FUS: variants seen among roughly 807,000 people sequenced by gnomAD.
The protein encoded by FUS is FUS RNA binding protein, also known as RNA-binding protein FUS.
In FUS, 5 loss-of-function variants were observed where a neutral mutation model predicts 82.7. The observed-to-expected ratio is 0.06, with a 90% confidence interval of 0.03 to 0.13. The LOEUF is 0.13. Ranked by LOEUF, FUS falls within the 10% of genes least tolerant of loss-of-function variation. The probability of loss-of-function intolerance (pLI) is 1.00; values close to 1 mark genes in which losing one functional copy is unlikely to be tolerated. For missense variants in FUS, 512 were observed against 707.8 expected (o/e 0.72, Z 3.14); for synonymous variants, 281 against 247.4 (o/e 1.14, Z -1.27).
Position 31,180,206 on chromosome 16 carries a change from T to A in FUS, c.-9T>A. ...CGTTGCTTGCTTGCCTGTGCGCGCG[T>A]GCGCGGACATGGCCTCAAACGGTAG... On this transcript the variant is annotated 5_prime_UTR_variant, in exon 1 of 15. Transcript: ENST00000254108. 6.2e-7 allele frequency: 1 copy of A among 1,611,168 alleles called. No homozygotes were observed. Among genetic ancestry groups the A allele is most frequent in the Non-Finnish European group, 8.5e-7 (1 of 1,178,710 alleles).
rs2079217599 is a variant in FUS, at chr16:31,183,841, T to G, written c.191-17T>G. 1.7e-5 allele frequency: 27 copies of G among 1,614,202 alleles called. 1 individual carries two copies. The East Asian group carries it at 6.0e-4, about 36-fold the overall frequency. ...TTCCTGGTGGCTTTTGTGACTCCCT[T>G]TTTCTTATCCTGGTAGCAGGCTATG... On this transcript the variant is annotated splice_polypyrimidine_tract_variant and intron_variant, in intron 3 of 14. Coordinates refer to ENST00000254108, the MANE Select transcript of FUS (RefSeq NM_004960.4).
chr16:31,192,097 G>T (rs374258907), downstream of FUS: 16 of 532,274 alleles, frequency 3.0e-5, no homozygotes, highest in African/African-American at 2.6e-4. Flanking sequence ...TCTAGGAGGT[G>T]AGTGACTCCC....
At chr16:31,194,340 T>A (rs1340973630), downstream of FUS, 19 of 522,742 alleles carry the variant, frequency 3.6e-5, no homozygotes, top group East Asian at 7.3e-4. Flanking sequence ...CCAGGCTGGA[T>A]TGCAGTGGTG....
chr16:31,191,621 C>T (rs1323585781), downstream of FUS: 4 of 737,432 alleles, frequency 5.4e-6, no homozygotes, highest in Non-Finnish European at 9.7e-6. Context: ...TTCCTCTTCC[C>T]CCTTTTCACT....
intron 10 of FUS, 82 bp downstream of exon 10, chr16:31,189,876 C>T (rs1194310876): frequency 6.2e-7 from 1 of 1,608,182 alleles, no homozygotes; most frequent in Non-Finnish European, 8.5e-7. Flanking sequence ...TTTGAGGGTT[C>T]TTTTGAGTCT....
chr16:31,190,595 T>C, intron 12 of FUS, 147 bp from the exon 13 acceptor site: 1 of 1,155,056 alleles, frequency 8.7e-7, no homozygotes, highest in Middle Eastern at 2.6e-4. Context: ...TACTGATTTT[T>C]GTTCCTGACT....
Position 31,180,152 on chromosome 16 carries a change from G to A in FUS, c.-63G>A, listed in dbSNP as rs745435632. The stretch of plus-strand genomic sequence containing the variant: ...GGAGGCGGGGCTGCTCAGTCCTCCA[G>A]GCGTCGGTACTCAGCGGTGTTGGAA... On this transcript the variant is annotated 5_prime_UTR_variant, in exon 1 of 15. Transcript: ENST00000254108. The A allele has an allele frequency of 1.9e-6, 3 of 1,592,008 alleles. No individual in the cohort carries two copies. The highest frequency in any genetic ancestry group is 1.1e-5 in the South Asian group (1 of 88,252).
chr16:31,189,900 T>C, intron 10 of FUS, 106 bp downstream of exon 10: 2 of 1,596,454 alleles, frequency 1.3e-6, no homozygotes, highest in Non-Finnish European at 1.7e-6. Context: ...AACACTTACT[T>C]TAGCTGCGGT....
At chr16:31,184,040 G>C in intron 4 of FUS, 38 bp downstream of exon 4, 2 of 1,613,330 alleles carry the variant, frequency 1.2e-6, no homozygotes, top group Non-Finnish European at 1.7e-6. Context: ...CTTGAAAAGA[G>C]GGGTGAATTG....
chr16:31,186,758 C>A (rs1265521641), intron 6 of FUS, 44 bp from the exon 7 acceptor site: 1 of 1,596,676 alleles, frequency 6.3e-7, no homozygotes, highest in Non-Finnish European at 8.6e-7. Context: ...CCTTTTGTAG[C>A]CGTTGGAAGC....
At chr16:31,194,744 G>T (rs1033438635), downstream of FUS, 2 of 484,146 alleles carry the variant, frequency 4.1e-6, no homozygotes, top group Non-Finnish European at 8.2e-6. Context: ...AACATACAAA[G>T]CCACTCTTAG....
intron 6 of FUS, 99 bp from the exon 7 acceptor site, chr16:31,186,703 A>G (rs1280849380): frequency 8.6e-7 from 1 of 1,163,740 alleles, no homozygotes; most frequent in Non-Finnish European, 1.3e-6. Context: ...TTTTCCAAAA[A>G]CACCTACCCA....
chr16:31,190,625 G>A, intron 12 of FUS, 117 bp from the exon 13 acceptor site: 1 of 1,215,490 alleles, frequency 8.2e-7, no homozygotes. Context: ...AAGCCGTTTT[G>A]TCTTTCTGAA....
chr16:31,183,797 C>T lies in FUS; in HGVS notation c.191-61C>T, dbSNP rs935810829. ...TATAGGTATTATGTTTTCTTTAACC[C>T]ATTCCTTACATTTTCTCTTTCCTGG... On this transcript the variant is annotated intron_variant, in intron 3 of 14. Transcript: ENST00000254108. 3.0e-5 allele frequency: 48 copies of T among 1,600,790 alleles called. No individual in the cohort carries two copies. The African/African-American group carries it at 3.5e-4, about 12-fold the overall frequency.
At chr16:31,187,107 C>T in intron 7 of FUS, 2 of 535,698 alleles carry the variant, frequency 3.7e-6, no homozygotes, top group South Asian at 2.2e-5. Flanking sequence ...GGGCCGTTGC[C>T]ACACCTGGCA....
intron 13 of FUS, 30 bp from the exon 14 acceptor site, chr16:31,190,933 A>C (rs531009755): frequency 6.2e-7 from 1 of 1,611,530 alleles, no homozygotes; most frequent in Non-Finnish European, 8.5e-7. Flanking sequence ...GGGAATGGGA[A>C]TATGATAGAT....
downstream of FUS, chr16:31,193,076 A>T (rs1349590267): frequency 8.3e-6 from 4 of 484,296 alleles, no homozygotes; most frequent in East Asian, 4.9e-5. Flanking sequence ...GATAGCTGGG[A>T]TTACAGGCAT....
At chr16:31,184,441 T>C (rs535892556) in intron 5 of FUS, 45 bp downstream of exon 5, 120 of 1,219,284 alleles carry the variant, frequency 9.8e-5, no homozygotes, top group Non-Finnish European at 1.3e-4. Context: ...TCTTTTTCTT[T>C]TTTTTTTTTT....
Position 31,190,415 on chromosome 16 carries a change from T to G in FUS, c.1292+17T>G, listed in dbSNP as rs759773681. ...TCCTAATCCGTGAGTGAAACTTAAT[T>G]TTTTTCTTAGTTCTCTTGCATGCGT... On this transcript the variant is annotated intron_variant, in intron 12 of 14. Transcript: ENST00000254108. 7 of 1,614,096 alleles carry G rather than the reference T, an allele frequency of 4.3e-6. No individual in the cohort carries two copies. The highest frequency in any genetic ancestry group is 5.9e-6 in the Non-Finnish European group (7 of 1,179,992).
Sources: allele counts gnomAD v4.1 joint callset, GRCh38; gene constraint gnomAD v4.1.1; transcripts MANE v1.5; gene names NCBI Gene and HGNC (gene_info 2026-07-23, HGNC 2026-07-21).